Variants in DSCAM observed in about 807,000 individuals in gnomAD.
DSCAM encodes the protein cell adhesion molecule DSCAM.
In DSCAM, 47 loss-of-function variants were observed where a neutral mutation model predicts 217.7. That is an observed-to-expected ratio of 0.22 (90% CI 0.17 to 0.28). DSCAM has a LOEUF of 0.28. Ranked by LOEUF, DSCAM falls within the 10% of genes least tolerant of loss-of-function variation. The pLI is 1.00. For synonymous variants in DSCAM, 1,056 were observed against 1,015.3 expected, an observed-to-expected ratio of 1.04 and a Z score of -0.76; for missense variants, 2,080 against 2,618.3, an observed-to-expected ratio of 0.79 and a Z score of 4.49.
At chr21:40,129,122 T>TGTG (rs2090128720) in intron 19 of DSCAM, among the ~76,000 whole-genome samples, 1 of 152,152 alleles carries the variant, frequency 6.6e-6, no homozygotes, top group Non-Finnish European at 1.5e-5. Flanking sequence ...CAGGCAGGTG[T>TGTG]GTGTGTGACT....
chr21:40,119,684 T>G (rs2090010234), intron 20 of DSCAM, among the ~76,000 whole-genome samples: 3 of 150,236 alleles, frequency 2.0e-5, no homozygotes, highest in Non-Finnish European at 4.4e-5. Context: ...TAATGGAAGC[T>G]AAGAGAAGGA....
intron 3 of DSCAM, among the ~76,000 whole-genome samples, chr21:40,671,392 G>A (rs1367863944): frequency 6.6e-6 from 1 of 152,160 alleles, no homozygotes; most frequent in Non-Finnish European, 1.5e-5. Context: ...CATGAACAAA[G>A]AGGCCTGGCA....
At chr21:40,063,146 A>G (rs1473073534) in intron 27 of DSCAM, among the ~76,000 whole-genome samples, 1 of 152,224 alleles carries the variant, frequency 6.6e-6, no homozygotes, top group African/African-American at 2.4e-5. Flanking sequence ...ATTCTCAGAC[A>G]TCTACTAAAT....
chr21:40,645,479 T>C (rs1411532879), intron 3 of DSCAM, among the ~76,000 whole-genome samples: 2 of 152,208 alleles, frequency 1.3e-5, no homozygotes, highest in East Asian at 3.8e-4. Flanking sequence ...AACTGATCCA[T>C]ATTTGTGGAA....
intron 3 of DSCAM, among the ~76,000 whole-genome samples, chr21:40,469,654 T>C (rs1172172685): frequency 6.6e-6 from 1 of 152,202 alleles, no homozygotes; most frequent in Non-Finnish European, 1.5e-5. Context: ...GATGGGAATA[T>C]GGGCAAAGTG....
At chr21:40,644,658 G>A (rs747793649) in intron 3 of DSCAM, among the ~76,000 whole-genome samples, 1 of 152,236 alleles carries the variant, frequency 6.6e-6, no homozygotes, top group Non-Finnish European at 1.5e-5. Flanking sequence ...AAACCCTAAA[G>A]AACATTGCAT....
At chr21:40,151,489 C>T (rs1284250460) in intron 16 of DSCAM, among the ~76,000 whole-genome samples, 1 of 152,160 alleles carries the variant, frequency 6.6e-6, no homozygotes, top group Admixed American at 6.5e-5. Flanking sequence ...CTTGTTATTT[C>T]CCCCTGTCTA....
chr21:40,621,687 C>T (rs1415731769), intron 3 of DSCAM, among the ~76,000 whole-genome samples: 1 of 151,876 alleles, frequency 6.6e-6, no homozygotes, highest in Admixed American at 6.6e-5. Context: ...CTTAGGGAGC[C>T]ACCCATTCAT....
chr21:40,539,474 C>T (rs145163266), intron 3 of DSCAM, among the ~76,000 whole-genome samples: 5,102 of 148,966 alleles, frequency 0.034, 288 homozygotes, highest in African/African-American at 0.12. Context: ...CCAGCCTGGG[C>T]GACAGAGCGA....
At chr21:40,322,848 A>G in intron 8 of DSCAM, among the ~76,000 whole-genome samples, 1 of 152,092 alleles carries the variant, frequency 6.6e-6, no homozygotes, top group East Asian at 1.9e-4. Flanking sequence ...GAATGAAAAA[A>G]TGTGTTTAGG....
At chr21:40,577,112 A>G (rs1206939355) in intron 3 of DSCAM, among the ~76,000 whole-genome samples, 1 of 151,840 alleles carries the variant, frequency 6.6e-6, no homozygotes, top group Non-Finnish European at 1.5e-5. Context: ...ATTCATTCAT[A>G]TATTATGAAC....
chr21:40,723,941 A>G (rs2090928880), intron 1 of DSCAM, among the ~76,000 whole-genome samples: 1 of 152,254 alleles, frequency 6.6e-6, no homozygotes, highest in African/African-American at 2.4e-5. Flanking sequence ...GGAGAAAAAA[A>G]GTAAAAATAA....
intron 11 of DSCAM, among the ~76,000 whole-genome samples, chr21:40,256,404 CAG>C (rs148333628): frequency 6.5e-4 from 96 of 146,694 alleles, no homozygotes; most frequent in Non-Finnish European, 6.2e-4. Flanking sequence ...GAGAGACAGA[CAG>C]AGAGAGAGAG....
chr21:40,123,429 G>A (rs1424716215), intron 20 of DSCAM, among the ~76,000 whole-genome samples: 1 of 152,336 alleles, frequency 6.6e-6, no homozygotes, highest in Non-Finnish European at 1.5e-5. Flanking sequence ...GGCACCTGCT[G>A]CAGAAAATGT....
intron 3 of DSCAM, among the ~76,000 whole-genome samples, chr21:40,632,064 C>T: frequency 6.6e-6 from 1 of 152,180 alleles, no homozygotes; most frequent in East Asian, 1.9e-4. Flanking sequence ...AGAGGGCATC[C>T]TTTTACAGCT....
chr21:40,813,268 G>A lies in DSCAM; in HGVS notation c.43+33351C>T, dbSNP rs560674837. On this transcript the variant is annotated intron_variant, in intron 1 of 32. Transcript: ENST00000400454. The stretch of plus-strand genomic sequence containing the variant: ...CACATCTCTCTGACCTAAAAACCAT[G>A]GTTGGGCAAGAGAACCTATGAGACC... Among the ~76,000 whole-genome samples the A allele has an allele frequency of 5.3e-5, 8 of 152,282 alleles. No individual in the cohort carries two copies. In the East Asian group the frequency reaches 1.5e-3, roughly 29 times the overall value.
intron 8 of DSCAM, among the ~76,000 whole-genome samples, chr21:40,328,666 CA>C (rs1287156986): frequency 8.6e-5 from 13 of 151,974 alleles, no homozygotes; most frequent in African/African-American, 2.4e-4. Flanking sequence ...TTCTGCACAG[CA>C]AAGGAATCAA....
chr21:40,792,379 A>T (rs1353799850), intron 1 of DSCAM, among the ~76,000 whole-genome samples: 1 of 152,076 alleles, frequency 6.6e-6, no homozygotes, highest in East Asian at 1.9e-4. Flanking sequence ...ACCTCAGGTG[A>T]TCCACCTGCC....
intron 9 of DSCAM, among the ~76,000 whole-genome samples, chr21:40,307,743 C>T (rs544613837): frequency 6.6e-6 from 1 of 152,084 alleles, no homozygotes; most frequent in Non-Finnish European, 1.5e-5. Flanking sequence ...TCATGGAATA[C>T]TATGCAGCCA....
Sources: gnomAD v4.1 joint callset for allele counts (sites outside exome capture counted in the v4.1 genomes callset) on GRCh38, gnomAD v4.1.1 for gene constraint, MANE v1.5 for transcripts, NCBI Gene and HGNC (gene_info 2026-07-23, HGNC 2026-07-21) for gene names.